SMC3: variants seen among roughly 807,000 people sequenced by gnomAD.
SMC3 encodes the protein structural maintenance of chromosomes protein 3.
SMC3 carries 20 observed loss-of-function variants against 171.8 expected under a neutral mutation model. The ratio of observed to expected loss-of-function variants is 0.12; its 90% CI spans 0.08 to 0.17. The LOEUF (loss-of-function observed/expected upper bound fraction) is 0.17. SMC3 is among the 10% of genes least tolerant of loss of function. The pLI is 1.00. For synonymous variants in SMC3, 464 were observed against 451.1 expected (o/e 1.03, Z -0.36); for missense variants, 543 against 1,420.4 (o/e 0.38, Z 9.93).
chr10:110,568,211 T>C, intron 1 of SMC3: 1 of 331,440 alleles, frequency 3.0e-6, no homozygotes, highest in Non-Finnish European at 5.6e-6. Flanking sequence ...CCTGCAGGGG[T>C]GGCCTCACAC....
At chr10:110,604,094 C>CA (rs57491050) in intron 28 of SMC3, 137 bp from the exon 29 acceptor site, 56,169 of 226,498 alleles carry the variant, frequency 0.25, 3,196 homozygotes, top group Non-Finnish European at 0.27. Flanking sequence ...GACTCCATCT[C>CA]AAAAAAAAAA....
chr10:110,592,113 AAAT>A (rs1412420053), intron 17 of SMC3, among the ~76,000 whole-genome samples: 1 of 152,040 alleles, frequency 6.6e-6, no homozygotes, highest in Admixed American at 6.5e-5. Context: ...AAAATACAAA[AAAT>A]TAGCTGGACA....
intron 1 of SMC3, 104 bp from the exon 2 acceptor site, chr10:110,568,834 G>A: frequency 1.5e-6 from 1 of 669,758 alleles, no homozygotes; most frequent in South Asian, 1.7e-5. Context: ...ATGAAATTTC[G>A]AGTTTTCTAT....
At chr10:110,575,793 T>C (rs1222584998) in intron 4 of SMC3, among the ~76,000 whole-genome samples, 1 of 152,218 alleles carries the variant, frequency 6.6e-6, no homozygotes, top group East Asian at 1.9e-4. Context: ...TATAGGTGGG[T>C]ATGTCCTCCA....
intron 14 of SMC3, 91 bp downstream of exon 14, chr10:110,589,799 G>C (rs572716525): frequency 6.8e-7 from 1 of 1,464,160 alleles, no homozygotes; most frequent in Non-Finnish European, 9.6e-7. Flanking sequence ...AACCGGTCAG[G>C]CTTGTTTTCT....
chr10:110,603,441 C>G lies in SMC3; in HGVS notation c.3582+151C>G, dbSNP rs189834650. ...AAGAAAGAACTTTTCCTTCAAATAA[C>G]TATGAAGTTTAGCAGTATTTTATGG... On this transcript the variant is annotated intron_variant, in intron 28 of 28. Coordinates refer to ENST00000361804, the MANE Select transcript of SMC3 (RefSeq NM_005445.4). The G allele has an allele frequency of 6.3e-4, 397 of 632,652 alleles. 2 individuals carry two copies. Among genetic ancestry groups the G allele is most frequent in the South Asian group, 3.6e-3 (180 of 50,480 alleles). The allele number at this position is 632,652 out of a possible 1,614,324, so 39.2% of individuals were successfully genotyped here.
At chr10:110,583,341 G>T (rs749293532) in intron 10 of SMC3, 43 bp from the exon 11 acceptor site, 6 of 1,506,658 alleles carry the variant, frequency 4.0e-6, no homozygotes, top group South Asian at 2.3e-5. Context: ...TTCTGCTATT[G>T]TACTTCTAAT....
chr10:110,575,224 T>C, intron 3 of SMC3, 112 bp from the exon 4 acceptor site: 1 of 773,234 alleles, frequency 1.3e-6, no homozygotes, highest in Non-Finnish European at 2.2e-6. Context: ...ACAGATAATT[T>C]ATTTGCATTG....
chr10:110,574,119 C>T lies in SMC3; in HGVS notation c.130+374C>T, dbSNP rs545007831. The stretch of plus-strand genomic sequence containing the variant: ...AAATGTTATAAATGCATATTTTAAA[C>T]GTATGTAAATGCAGTAGAATAGTTG... On this transcript the variant is annotated intron_variant, in intron 3 of 28. Coordinates refer to ENST00000361804, the MANE Select transcript of SMC3 (RefSeq NM_005445.4). Among the ~76,000 whole-genome samples, 55 of 152,088 alleles carry T rather than the reference C, an allele frequency of 3.6e-4. 1 individual carries two copies. Among genetic ancestry groups the T allele is most frequent in the Non-Finnish European group, 7.1e-4 (48 of 68,022 alleles).
intron 3 of SMC3, among the ~76,000 whole-genome samples, chr10:110,575,019 C>G (rs17127570): frequency 0.12 from 17,723 of 152,122 alleles, 1,217 homozygotes; most frequent in East Asian, 0.26. Context: ...TTAACCTAAT[C>G]CAGTCAGTGA....
chr10:110,602,285 T>A, intron 25 of SMC3, 107 bp downstream of exon 25: 1 of 1,093,028 alleles, frequency 9.1e-7, no homozygotes, highest in Non-Finnish European at 1.4e-6. Flanking sequence ...CAGGTGAATC[T>A]AATACATGTG....
intron 4 of SMC3, 62 bp downstream of exon 4, chr10:110,575,465 T>C: frequency 8.2e-7 from 1 of 1,220,986 alleles, no homozygotes; most frequent in South Asian, 1.3e-5. Flanking sequence ...AAATTTTCCA[T>C]GCTGGTTAAA....
At chr10:110,604,132 A>G (rs1861431983) in intron 28 of SMC3, 99 bp from the exon 29 acceptor site, 13 of 662,932 alleles carry the variant, frequency 2.0e-5, no homozygotes, top group South Asian at 1.4e-4. Context: ...AAATTAAAAA[A>G]TGTAGTTAAA....
chr10:110,600,644 T>C (rs1291869204), intron 22 of SMC3, 98 bp downstream of exon 22: 3 of 745,154 alleles, frequency 4.0e-6, no homozygotes, highest in African/African-American at 3.6e-5. Flanking sequence ...AGCATGGGCT[T>C]TGGGGACAGA....
intron 18 of SMC3, among the ~76,000 whole-genome samples, chr10:110,596,004 A>C (rs2134744645): frequency 7.0e-6 from 1 of 143,612 alleles, no homozygotes; most frequent in East Asian, 2.1e-4. Flanking sequence ...TTAAGAGGCT[A>C]AAGCATGAGG....
In SMC3 at chr10:110,592,984, A is replaced by G. The variant is rs1057422711; in HGVS notation, c.1813-89A>G. The G allele has an allele frequency of 2.7e-6, 3 of 1,114,814 alleles. No homozygotes were observed. The African/African-American group carries it at 4.6e-5, about 17-fold the overall frequency. 69.1% of individuals were successfully genotyped at this position (1,114,814 alleles called of 1,614,324 possible). A position where few individuals can be genotyped will look rare whatever the true frequency, so the allele number is the denominator to read the frequency against. ...TGAAATATAATGGTGTTTATGGTTT[A>G]TTTGTATTTCATAAAGATGTAATTT... On this transcript the variant is annotated intron_variant, in intron 17 of 28. Coordinates refer to ENST00000361804, the MANE Select transcript of SMC3 (RefSeq NM_005445.4).
chr10:110,595,263 A>AG (rs112655507), intron 18 of SMC3, among the ~76,000 whole-genome samples: 17,727 of 152,062 alleles, frequency 0.12, 1,214 homozygotes, highest in East Asian at 0.26. Context: ...TACAGGCATG[A>AG]CCACCATGCC....
intron 1 of SMC3, 40 bp downstream of exon 1, chr10:110,567,871 A>G (rs1275654365): frequency 6.2e-7 from 1 of 1,612,214 alleles, no homozygotes; most frequent in Non-Finnish European, 8.5e-7. Context: ...ATGGGCCGGT[A>G]AGGGCCGCTC....
At chr10:110,582,319 G>T (rs1366540339) in intron 9 of SMC3, among the ~76,000 whole-genome samples, 1 of 150,948 alleles carries the variant, frequency 6.6e-6, no homozygotes, top group Admixed American at 6.6e-5. Context: ...GTGGTATTAG[G>T]CAGACAAGAT....
Sources: allele counts gnomAD v4.1 joint callset (sites outside exome capture counted in the v4.1 genomes callset), GRCh38; gene constraint gnomAD v4.1.1; transcripts MANE v1.5; gene names NCBI Gene and HGNC (gene_info 2026-07-23, HGNC 2026-07-21).